The following FGF1 variants were observed in gnomAD, a reference collection of about 807,000 sequenced individuals.
FGF1 encodes the protein fibroblast growth factor 1.
FGF1 carries 9 observed loss-of-function variants against 13.4 expected under a neutral mutation model. The ratio of observed to expected loss-of-function variants is 0.67; its 90% CI spans 0.40 to 1.17. FGF1 has a LOEUF of 1.17. Ranked by LOEUF, FGF1 falls within the 50% of genes most tolerant of loss-of-function variation. The pLI is 0.01. For missense variants in FGF1, 156 were observed against 192.7 expected (o/e 0.81, Z 1.13); for synonymous variants, 93 against 79.0 (o/e 1.18, Z -0.94).
chr5:142,682,996 C>T (rs1219910836), intron 1 of FGF1, among the ~76,000 whole-genome samples: 1 of 152,258 alleles, frequency 6.6e-6, no homozygotes, highest in East Asian at 1.9e-4. Context: ...GTTGTTTGGG[C>T]TGGATCCAGT....
At chr5:142,618,574 A>T (rs1597148622) in intron 1 of FGF1, among the ~76,000 whole-genome samples, 2 of 152,302 alleles carry the variant, frequency 1.3e-5, no homozygotes, top group East Asian at 3.9e-4. Context: ...ATTTAAAATA[A>T]TTTTTTAATT....
chr5:142,661,608 A>G (rs1471370462), intron 1 of FGF1, among the ~76,000 whole-genome samples: 1 of 152,244 alleles, frequency 6.6e-6, no homozygotes, highest in Admixed American at 6.5e-5. Context: ...AAAAGGTAGC[A>G]TATCCATGCA....
intron 2 of FGF1, among the ~76,000 whole-genome samples, chr5:142,696,994 C>G (rs1173822755): frequency 6.6e-6 from 1 of 152,166 alleles, no homozygotes; most frequent in Non-Finnish European, 1.5e-5. Flanking sequence ...GAGACCGAGG[C>G]TGCAAAATCT....
intron 1 of FGF1, among the ~76,000 whole-genome samples, chr5:142,659,975 C>G (rs17216916): frequency 4.0e-4 from 61 of 152,364 alleles, no homozygotes; most frequent in African/African-American, 1.4e-3. Context: ...CACAGCAACA[C>G]TAATGGGACT....
In FGF1 at chr5:142,595,146, G is replaced by A. The variant is rs1754987489; in HGVS notation, c.*144C>T. The stretch of plus-strand genomic sequence containing the variant: ...AAGGCTCTGCAAAGAAGTGAACTGG[G>A]CATTTAGAAGCAAGTTGCTTACAAA... On this transcript the variant is annotated 3_prime_UTR_variant, in exon 4 of 4. Transcript: ENST00000337706. 1.6e-6 allele frequency: 1 copy of A among 645,124 alleles called. No homozygotes were observed. Among genetic ancestry groups the A allele is most frequent in the African/African-American group, 1.8e-5 (1 of 54,750 alleles). 40.0% of individuals were successfully genotyped at this position (645,124 alleles called of 1,614,324 possible).
chr5:142,670,113 G>T (rs146640345), intron 1 of FGF1, among the ~76,000 whole-genome samples: 1 of 152,320 alleles, frequency 6.6e-6, no homozygotes, highest in African/African-American at 2.4e-5. Context: ...CTGAGGTCAT[G>T]CTTCTCAAGA....
intron 2 of FGF1, among the ~76,000 whole-genome samples, chr5:142,606,214 C>CTGTGTGTGTGTG (rs1283591761): frequency 1.1e-3 from 75 of 71,090 alleles, no homozygotes; most frequent in African/African-American, 3.5e-3. Flanking sequence ...CATTCTTTCT[C>CTGTGTGTGTGTG]TCTCTGTGTG....
intron 1 of FGF1, among the ~76,000 whole-genome samples, chr5:142,643,100 T>C (rs1242283399): frequency 2.0e-5 from 3 of 152,190 alleles, no homozygotes; most frequent in Non-Finnish European, 4.4e-5. Context: ...CCCAGGAGGC[T>C]CCATGGCTTC....
chr5:142,617,416 G>A (rs1760490438), intron 1 of FGF1, among the ~76,000 whole-genome samples: 1 of 152,028 alleles, frequency 6.6e-6, no homozygotes, highest in Admixed American at 6.5e-5. Flanking sequence ...GTGTGTATGA[G>A]CCATGCAGCC....
intron 1 of FGF1, among the ~76,000 whole-genome samples, chr5:142,632,779 T>C (rs762715949): frequency 2.6e-5 from 4 of 152,200 alleles, no homozygotes; most frequent in Non-Finnish European, 4.4e-5. Context: ...TTTGTAATGG[T>C]TGCATACAGA....
chr5:142,696,441 T>A (rs1335075085), intron 2 of FGF1, among the ~76,000 whole-genome samples: 2 of 152,188 alleles, frequency 1.3e-5, no homozygotes, highest in Non-Finnish European at 2.9e-5. Context: ...TCCATGCCCA[T>A]GGCAAGGATG....
chr5:142,651,728 T>G lies in FGF1; in HGVS notation c.-35+34229A>C, dbSNP rs117672563. On this transcript the variant is annotated intron_variant, in intron 1 of 3. Coordinates refer to ENST00000337706, the MANE Select transcript of FGF1 (RefSeq NM_000800.5). ...GTTTTGCCTTTTCCAGAATGTCTTA[T>G]AGTGGACATCATGCAGAACATAGTC... 4.0e-4 allele frequency among the ~76,000 whole-genome samples: 61 copies of G among 152,326 alleles called. No individual in the cohort carries two copies. In the East Asian group the frequency reaches 0.011, roughly 27 times the overall value.
Position 142,592,192 on chromosome 5 carries a change from A to G in FGF1, c.*3098T>C, listed in dbSNP as rs1754386101. On this transcript the variant is annotated 3_prime_UTR_variant, in exon 4 of 4. Transcript: ENST00000337706. ...CAGAGACATTATCACCTATTATTGG[A>G]ACATTTATTAATATTTGTAAGGTGC... 2.5e-6 allele frequency: 1 copy of G among 396,366 alleles called. No individual in the cohort carries two copies. The highest frequency in any genetic ancestry group is 2.1e-5 in the African/African-American group (1 of 48,576). The allele number at this position is 396,366 out of a possible 1,614,324, so 24.6% of individuals were successfully genotyped here.
chr5:142,636,808 G>C (rs1244682496), intron 1 of FGF1, among the ~76,000 whole-genome samples: 1 of 152,042 alleles, frequency 6.6e-6, no homozygotes, highest in Non-Finnish European at 1.5e-5. Flanking sequence ...GAACTGAACA[G>C]AGTCCATTAT....
chr5:142,678,842 G>C (rs985747728), intron 1 of FGF1, among the ~76,000 whole-genome samples: 4 of 152,182 alleles, frequency 2.6e-5, no homozygotes, highest in Admixed American at 6.5e-5. Flanking sequence ...GTACTGACAG[G>C]AGAGTCCCTA....
chr5:142,595,242 G>A lies in FGF1; in HGVS notation c.*48C>T. The A allele has an allele frequency of 6.5e-7, 1 of 1,540,220 alleles. No individual in the cohort carries two copies. Among genetic ancestry groups the A allele is most frequent in the Non-Finnish European group, 8.9e-7 (1 of 1,128,510 alleles). Reference sequence around the variant, plus strand: ...AACATTTTTGGGTCAACCAGGTGAGGACCCCTCGAAACTTCTCTGGAGTGG... The same window carrying A: ...AACATTTTTGGGTCAACCAGGTGAGAACCCCTCGAAACTTCTCTGGAGTGG... On this transcript the variant is annotated 3_prime_UTR_variant, in exon 4 of 4. Coordinates refer to ENST00000337706, the MANE Select transcript of FGF1 (RefSeq NM_000800.5).
At chr5:142,609,028 G>A (rs1758463448) in intron 2 of FGF1, among the ~76,000 whole-genome samples, 1 of 151,970 alleles carries the variant, frequency 6.6e-6, no homozygotes, top group African/African-American at 2.4e-5. Flanking sequence ...TTGACTTCGG[G>A]TCTATGTTGG....
Position 142,657,097 on chromosome 5 carries a change from A to G in FGF1, c.-35+28860T>C, listed in dbSNP as rs186273011. ...CACGCCCAGCTAATTTTGTATTTTT[A>G]GTAGAGATGGGGTTTCACCATATTG... On this transcript the variant is annotated intron_variant, in intron 1 of 3. Coordinates refer to ENST00000337706, the MANE Select transcript of FGF1 (RefSeq NM_000800.5). Among the ~76,000 whole-genome samples, 262 of 152,130 alleles carry G rather than the reference A, an allele frequency of 1.7e-3. 3 individuals carry two copies. Among genetic ancestry groups the G allele is most frequent in the Admixed American group, 7.0e-3 (107 of 15,286 alleles).
intron 1 of FGF1, among the ~76,000 whole-genome samples, chr5:142,663,103 C>T (rs558085744): frequency 3.3e-5 from 5 of 152,256 alleles, no homozygotes; most frequent in East Asian, 1.9e-4. Flanking sequence ...GGATTACAGG[C>T]GTGCACAACT....
Sources: allele counts gnomAD v4.1 joint callset (sites outside exome capture counted in the v4.1 genomes callset), GRCh38; gene constraint gnomAD v4.1.1; transcripts MANE v1.5; gene names NCBI Gene and HGNC (gene_info 2026-07-23, HGNC 2026-07-21).